The following WWC2 variants were observed in gnomAD, a reference collection of about 807,000 sequenced individuals.
WWC2 encodes the protein WW and C2 domain containing 2.
Under a neutral mutation model 138.5 loss-of-function variants are expected in WWC2, and 101 were observed. That is an observed-to-expected ratio of 0.73 (90% CI 0.62 to 0.86). The LOEUF is 0.86. Ranked by LOEUF, WWC2 falls within the 40% of genes least tolerant of loss-of-function variation. The pLI is 0.00. For synonymous variants in WWC2, 558 were observed against 538.4 expected (o/e 1.04, Z -0.50); for missense variants, 1,420 against 1,419.4 (o/e 1.00, Z -0.01).
intron 10 of WWC2, among the ~76,000 whole-genome samples, chr4:183,260,510 CT>C (rs1168144377): frequency 6.6e-6 from 1 of 152,124 alleles, no homozygotes; most frequent in Non-Finnish European, 1.5e-5. Flanking sequence ...TTTTACTGTG[CT>C]TTTTCTAGTT....
At chr4:183,135,961 T>C (rs1223590142) in intron 1 of WWC2, among the ~76,000 whole-genome samples, 1 of 142,890 alleles carries the variant, frequency 7.0e-6, no homozygotes, top group South Asian at 2.2e-4. Flanking sequence ...CTATTCTCTT[T>C]TCTTTTCTTT....
At chr4:183,228,783 T>A (rs1244390359) in intron 4 of WWC2, among the ~76,000 whole-genome samples, 8 of 152,052 alleles carry the variant, frequency 5.3e-5, no homozygotes, top group Non-Finnish European at 1.0e-4. Flanking sequence ...ACCATGCAGC[T>A]CCACCCTAGA....
intron 1 of WWC2, among the ~76,000 whole-genome samples, chr4:183,125,696 G>A (rs959937671): frequency 6.6e-5 from 10 of 152,070 alleles, no homozygotes; most frequent in Non-Finnish European, 1.0e-4. Flanking sequence ...TTTTAATATC[G>A]AAGTAGAAAA....
chr4:183,247,666 ATATAT>A (rs1350427751), intron 6 of WWC2, among the ~76,000 whole-genome samples: 3 of 138,868 alleles, frequency 2.2e-5, no homozygotes, highest in Admixed American at 7.5e-5. Flanking sequence ...TATATATACT[ATATAT>A]TATATGTACT....
chr4:183,196,116 A>G (rs1735134698), intron 2 of WWC2, among the ~76,000 whole-genome samples: 1 of 152,126 alleles, frequency 6.6e-6, no homozygotes, highest in Non-Finnish European at 1.5e-5. Flanking sequence ...GCCTTCCGCC[A>G]AGAGTAAAAG....
At chr4:183,223,567 CTA>C (rs1735985958) in intron 4 of WWC2, among the ~76,000 whole-genome samples, 1 of 152,144 alleles carries the variant, frequency 6.6e-6, no homozygotes, top group Non-Finnish European at 1.5e-5. Context: ...GAAAAGTTAA[CTA>C]GAATTCTTTA....
intron 2 of WWC2, among the ~76,000 whole-genome samples, chr4:183,200,854 G>A (rs544670758): frequency 6.6e-6 from 1 of 152,268 alleles, no homozygotes; most frequent in Non-Finnish European, 1.5e-5. Flanking sequence ...GTAATATCTT[G>A]TCACTTATTC....
intron 1 of WWC2, among the ~76,000 whole-genome samples, chr4:183,185,832 TTA>T (rs1734778806): frequency 6.6e-6 from 1 of 152,174 alleles, no homozygotes; most frequent in African/African-American, 2.4e-5. Context: ...TTGCAGAGTT[TTA>T]TGTATGTACA....
Position 183,319,648 on chromosome 4 carries a change from G to T in WWC2, c.*3919G>T. On this transcript the variant is annotated 3_prime_UTR_variant, in exon 23 of 23. Transcript: ENST00000403733. ...TAGTGGCCCGAAGCTAGGGGAGCGT[G>T]GCTGGAGCAGGCTGCACAGTGGAGC... The T allele has an allele frequency of 6.2e-7, 1 of 1,614,142 alleles. No homozygotes were observed.
At chr4:183,261,635 T>A in intron 11 of WWC2, 103 bp downstream of exon 11, 1 of 1,326,918 alleles carries the variant, frequency 7.5e-7, no homozygotes, top group Non-Finnish European at 1.0e-6. Flanking sequence ...ATTCCCCTTC[T>A]CTTTCTTTTG....
intron 21 of WWC2, among the ~76,000 whole-genome samples, chr4:183,309,456 A>C (rs1243377751): frequency 6.6e-6 from 1 of 152,234 alleles, no homozygotes; most frequent in East Asian, 1.9e-4. Context: ...AGCAGATGAC[A>C]AATAAACACA....
intron 16 of WWC2, among the ~76,000 whole-genome samples, chr4:183,276,597 A>AT (rs1271240823): frequency 2.0e-5 from 3 of 152,110 alleles, no homozygotes; most frequent in Non-Finnish European, 4.4e-5. Context: ...CTTCTCTGCT[A>AT]TTATTGTCAT....
chr4:183,200,244 C>T (rs1234222645), intron 2 of WWC2, among the ~76,000 whole-genome samples: 5 of 151,844 alleles, frequency 3.3e-5, no homozygotes, highest in African/African-American at 7.3e-5. Context: ...GTCAGTGTTT[C>T]GTGGCATTTT....
intron 20 of WWC2, among the ~76,000 whole-genome samples, chr4:183,288,253 C>T (rs1287050168): frequency 6.6e-6 from 1 of 152,144 alleles, no homozygotes; most frequent in African/African-American, 2.4e-5. Flanking sequence ...CTGAAATCAG[C>T]ATAGGGACAG....
chr4:183,319,279 G>A lies in WWC2; in HGVS notation c.*3550G>A, dbSNP rs919182407. ...CCTTCAAAGATACATAGAGATTAAT[G>A]TTTTATTTACCACTTCTGTGCAATC... On this transcript the variant is annotated 3_prime_UTR_variant, in exon 23 of 23. Coordinates refer to ENST00000403733, the MANE Select transcript of WWC2 (RefSeq NM_024949.6). 2.3e-5 allele frequency: 8 copies of A among 346,330 alleles called. No homozygotes were observed. Among genetic ancestry groups the A allele is most frequent in the South Asian group, 1.2e-4 (2 of 16,810 alleles). The allele number at this position is 346,330 out of a possible 1,614,324, so 21.5% of individuals were successfully genotyped here.
intron 1 of WWC2, among the ~76,000 whole-genome samples, chr4:183,130,258 T>TA (rs368689355): frequency 1.3e-5 from 2 of 152,280 alleles, no homozygotes; most frequent in African/African-American, 4.8e-5. Context: ...TTCATCGTGT[T>TA]AGCCAGGATG....
At chr4:183,205,390 T>A (rs575198608) in intron 2 of WWC2, among the ~76,000 whole-genome samples, 1 of 152,352 alleles carries the variant, frequency 6.6e-6, no homozygotes, top group Admixed American at 6.5e-5. Flanking sequence ...ATTTTTGGAC[T>A]CTATTCTGTT....
In WWC2 at chr4:183,265,087, C is replaced by T. The variant is rs1737456300; in HGVS notation, c.2019C>T (p.Val673=). The T allele has an allele frequency of 6.2e-7, 1 of 1,609,004 alleles. No homozygotes were observed. The highest frequency in any genetic ancestry group is 8.5e-7 in the Non-Finnish European group (1 of 1,177,854). ...AGTCTGTGGCTGGAGACAGTGGGGT[C>T]TATGAAGCTTTCGTGAAACAGTAAG... ...SDESVAGDSG[V]YEAFVKQPSE... Residue 673 remains valine (V), a synonymous_variant, in exon 12 of 23, where the codon GTC becomes GTT. Coordinates refer to ENST00000403733, the MANE Select transcript of WWC2 (RefSeq NM_024949.6).
intron 7 of WWC2, 70 bp from the exon 8 acceptor site, chr4:183,249,850 G>A (rs947852657): frequency 2.3e-6 from 3 of 1,331,830 alleles, no homozygotes; most frequent in African/African-American, 1.5e-5. Context: ...ATACTTCCCA[G>A]AAACAAAAGC....
Sources: gnomAD v4.1 joint callset for allele counts (sites outside exome capture counted in the v4.1 genomes callset) on GRCh38, gnomAD v4.1.1 for gene constraint, MANE v1.5 for transcripts, NCBI Gene and HGNC (gene_info 2026-07-23, HGNC 2026-07-21) for gene names.